Variants in TRIM33 observed in about 807,000 individuals in gnomAD.
TRIM33 encodes tripartite motif containing 33.
TRIM33 carries 20 observed loss-of-function variants against 125.4 expected under a neutral mutation model. The observed-to-expected ratio is 0.16, with a 90% CI of 0.11 to 0.23. The LOEUF is 0.23. Ranked by LOEUF, TRIM33 falls within the 10% of genes least tolerant of loss-of-function variation. The pLI, the probability that TRIM33 is intolerant of heterozygous loss-of-function variation, is 1.00. For synonymous variants in TRIM33, 564 were observed against 513.9 expected, an observed-to-expected ratio of 1.10 and a Z score of -1.32; for missense variants, 920 against 1,411.4, an observed-to-expected ratio of 0.65 and a Z score of 5.58.
rs1049176681 is a variant in TRIM33, at chr1:114,393,934, T to C, written c.*3714A>G. 4.5e-6 allele frequency: 1 copy of C among 221,570 alleles called. No individual in the cohort carries two copies. Among genetic ancestry groups the C allele is most frequent in the Non-Finnish European group, 9.0e-6 (1 of 110,504 alleles). The allele number at this position is 221,570 out of a possible 1,614,324, so 13.7% of individuals were successfully genotyped here. ...TATAAAATCACCATCCAGGAGAGGA[T>C]TCTGACATGCTATTAGGCAACAGAC... On this transcript the variant is annotated 3_prime_UTR_variant, in exon 20 of 20. Transcript: ENST00000358465.
At chr1:114,492,411 C>A (rs1283758208) in intron 1 of TRIM33, among the ~76,000 whole-genome samples, 1 of 152,130 alleles carries the variant, frequency 6.6e-6, no homozygotes, top group African/African-American at 2.4e-5. Flanking sequence ...TACAAGTATA[C>A]AACTATCAGG....
At chr1:114,499,397 TAA>T (rs879525344) in intron 1 of TRIM33, among the ~76,000 whole-genome samples, 2 of 143,558 alleles carry the variant, frequency 1.4e-5, no homozygotes, top group Admixed American at 6.9e-5. Context: ...ACAGTGAAAT[TAA>T]AAAAAAAAAA....
intron 1 of TRIM33, among the ~76,000 whole-genome samples, chr1:114,490,109 AGGAAAGG>A (rs1651969908): frequency 7.3e-5 from 9 of 123,354 alleles, no homozygotes; most frequent in South Asian, 2.6e-4. Context: ...AAAAAAGAAA[AGGAAAGG>A]AAAGAAAAAA....
At position 114,464,264 on chromosome 1, in the gene TRIM33, G is replaced by A; in HGVS notation, c.645+6C>T. 3 of 1,476,674 alleles carry A rather than the reference G, an allele frequency of 2.0e-6. No homozygotes were observed. Among genetic ancestry groups the A allele is most frequent in the Non-Finnish European group, 2.8e-6 (3 of 1,075,734 alleles). The allele number at this position is 1,476,674 out of a possible 1,614,324, so 91.5% of individuals were successfully genotyped here. A position where few individuals can be genotyped will look rare whatever the true frequency, so the allele number is the denominator to read the frequency against. On this transcript the variant is annotated splice_donor_region_variant and intron_variant, in intron 2 of 19. Coordinates refer to ENST00000358465, the MANE Select transcript of TRIM33 (RefSeq NM_015906.4). The stretch of plus-strand genomic sequence containing the variant: ...TAGGAATATAAAGAAAAATTGAGAA[G>A]CATACCTGTTCTGATTTTTCATCAG...
At chr1:114,472,099 A>G (rs1650688633) in intron 1 of TRIM33, among the ~76,000 whole-genome samples, 1 of 152,214 alleles carries the variant, frequency 6.6e-6, no homozygotes, top group African/African-American at 2.4e-5. Flanking sequence ...AAATGTGAAC[A>G]CTTATGCATC....
At chr1:114,493,342 T>C (rs1377549362) in intron 1 of TRIM33, among the ~76,000 whole-genome samples, 1 of 152,252 alleles carries the variant, frequency 6.6e-6, no homozygotes, top group Non-Finnish European at 1.5e-5. Context: ...AGGTTTTCTT[T>C]TCACTTTCTG....
intron 11 of TRIM33, among the ~76,000 whole-genome samples, chr1:114,413,614 C>A (rs1369687579): frequency 1.9e-5 from 1 of 52,354 alleles, no homozygotes; most frequent in Non-Finnish European, 3.9e-5. Context: ...AGAAAAAGTC[C>A]AAAAGCAAAA....
chr1:114,450,488 C>T (rs1228096228), intron 4 of TRIM33, among the ~76,000 whole-genome samples: 2 of 152,164 alleles, frequency 1.3e-5, no homozygotes, highest in Non-Finnish European at 2.9e-5. Flanking sequence ...TGCACCACCA[C>T]ACCCGGACTA....
intron 4 of TRIM33, among the ~76,000 whole-genome samples, chr1:114,442,432 A>AT (rs1648707298): frequency 6.6e-6 from 1 of 152,132 alleles, no homozygotes; most frequent in Non-Finnish European, 1.5e-5. Flanking sequence ...GCTCACTCCT[A>AT]TAACCCCAGC....
chr1:114,494,378 G>C (rs1652247563), intron 1 of TRIM33, among the ~76,000 whole-genome samples: 1 of 152,156 alleles, frequency 6.6e-6, no homozygotes, highest in Admixed American at 6.5e-5. Context: ...GTTATGTGTT[G>C]GGGGAGACAG....
chr1:114,475,206 A>T (rs1029022363), intron 1 of TRIM33, among the ~76,000 whole-genome samples: 11 of 152,194 alleles, frequency 7.2e-5, no homozygotes, highest in Non-Finnish European at 1.3e-4. Context: ...GTGTAACTGA[A>T]TTCCCAGAAG....
intron 4 of TRIM33, among the ~76,000 whole-genome samples, chr1:114,447,015 C>T (rs1200433469): frequency 6.6e-6 from 1 of 152,096 alleles, no homozygotes; most frequent in African/African-American, 2.4e-5. Flanking sequence ...GTAGCTGTAG[C>T]AGAGATGGAG....
At position 114,424,728 on chromosome 1, in the gene TRIM33, T is replaced by C. The variant is rs776880923; in HGVS notation, c.1723A>G (p.Met575Val). Reference sequence around the variant, plus strand: ...CCACAGTTCATGTTGCCTCTTTGCATTGTTTGCACACTGATCAATCGAGGA... The same window carrying C: ...CCACAGTTCATGTTGCCTCTTTGCACTGTTTGCACACTGATCAATCGAGGA... ...QPPRLISVQT[M>V]QRGNMNCGAF... Residue 575 changes from methionine (M) to valine (V), a missense_variant, in exon 10 of 20, where the codon ATG becomes GTG. Coordinates refer to ENST00000358465, the MANE Select transcript of TRIM33 (RefSeq NM_015906.4). 3.7e-6 allele frequency: 6 copies of C among 1,604,838 alleles called. No homozygotes were observed. The South Asian group carries it at 4.5e-5, about 12-fold the overall frequency.
chr1:114,480,552 T>C (rs559544524), intron 1 of TRIM33, among the ~76,000 whole-genome samples: 2 of 141,180 alleles, frequency 1.4e-5, no homozygotes, highest in East Asian at 4.2e-4. Context: ...ATATCATAAT[T>C]GCAAGAGTTA....
At chr1:114,399,307 A>T in intron 18 of TRIM33, 150 bp downstream of exon 18, 1 of 549,048 alleles carries the variant, frequency 1.8e-6, no homozygotes, top group Non-Finnish European at 3.1e-6. Context: ...AATTTTCTTC[A>T]CTGGAGCTGT....
chr1:114,439,341 G>T (rs894156899), intron 4 of TRIM33, among the ~76,000 whole-genome samples: 1 of 151,722 alleles, frequency 6.6e-6, no homozygotes, highest in Admixed American at 6.6e-5. Flanking sequence ...GTGTGGTGGT[G>T]CATGCCTGTA....
intron 4 of TRIM33, among the ~76,000 whole-genome samples, chr1:114,453,611 T>C (rs544011842): frequency 6.6e-6 from 1 of 152,348 alleles, no homozygotes; most frequent in Non-Finnish European, 1.5e-5. Context: ...TCCTGCCTGA[T>C]GAAATTATCT....
At chr1:114,454,848 G>C (rs1345516491) in intron 4 of TRIM33, among the ~76,000 whole-genome samples, 2 of 152,102 alleles carry the variant, frequency 1.3e-5, no homozygotes, top group Non-Finnish European at 2.9e-5. Context: ...GAAAAATTAT[G>C]CTGGAACATT....
At chr1:114,401,581 T>C (rs1651895334) in intron 16 of TRIM33, 118 bp from the exon 17 acceptor site, 1 of 690,906 alleles carries the variant, frequency 1.4e-6, no homozygotes, top group South Asian at 2.1e-5. Flanking sequence ...ACAAGCCCCC[T>C]GTTTACTAGA....
Sources: allele counts gnomAD v4.1 joint callset (sites outside exome capture counted in the v4.1 genomes callset), GRCh38; gene constraint gnomAD v4.1.1; transcripts MANE v1.5; gene names NCBI Gene and HGNC (gene_info 2026-07-23, HGNC 2026-07-21).